Variants in ABR observed in about 807,000 individuals in gnomAD.
The protein encoded by ABR is ABR activator of RhoGEF and GTPase.
In ABR, 35 loss-of-function variants were observed where a neutral mutation model predicts 107.2. The observed-to-expected ratio is 0.33, with a 90% CI of 0.25 to 0.43. The LOEUF (loss-of-function observed/expected upper bound fraction) is 0.43. ABR is among the 20% of genes least tolerant of loss of function. The pLI, the probability that ABR is intolerant of heterozygous loss-of-function variation, is 1.00. For missense variants in ABR, 815 were observed against 1,115.2 expected (o/e 0.73, Z 3.83); for synonymous variants, 498 against 462.0 (o/e 1.08, Z -1.00).
At chr17:1,144,361 G>A (rs1404003312) in intron 1 of ABR, among the ~76,000 whole-genome samples, 3 of 151,342 alleles carry the variant, frequency 2.0e-5, no homozygotes, top group Non-Finnish European at 2.9e-5. Context: ...GCTCCGTTAC[G>A]AGTCGCCCAT....
At chr17:1,136,036 A>T (rs1173993164) in intron 1 of ABR, among the ~76,000 whole-genome samples, 1 of 152,002 alleles carries the variant, frequency 6.6e-6, no homozygotes, top group African/African-American at 2.4e-5. Flanking sequence ...CAGAATGGTC[A>T]GTGAGCACTG....
intron 1 of ABR, among the ~76,000 whole-genome samples, chr17:1,178,431 G>T (rs2041987921): frequency 6.6e-6 from 1 of 152,110 alleles, no homozygotes; most frequent in Admixed American, 6.5e-5. Context: ...GAGAGTGGTG[G>T]TGGGTACCTG....
intron 1 of ABR, among the ~76,000 whole-genome samples, chr17:1,195,157 A>C (rs886735078): frequency 6.8e-5 from 10 of 147,712 alleles, no homozygotes; most frequent in Non-Finnish European, 9.0e-5. Context: ...AATACAAAAA[A>C]TTAGCCGGGC....
intron 16 of ABR, among the ~76,000 whole-genome samples, chr17:1,032,661 C>CAGAGGACGCCA (rs1407110844): frequency 8.0e-4 from 119 of 148,860 alleles, no homozygotes; most frequent in Non-Finnish European, 1.3e-3. Flanking sequence ...GTGCTGGGCG[C>CAGAGGACGCCA]CTTGAGAGAG....
chr17:1,004,696 G>A lies in ABR; in HGVS notation c.*1384C>T, dbSNP rs891114596. The A allele has an allele frequency of 1.3e-5, 3 of 230,568 alleles. No individual in the cohort carries two copies. Among genetic ancestry groups the A allele is most frequent in the African/African-American group, 4.5e-5 (2 of 44,624 alleles). The allele number at this position is 230,568 out of a possible 1,614,324, so 14.3% of individuals were successfully genotyped here. ...CCCTGCTCCCTGGCGGGTGCCTACAGCACCAACAAGGAGGCCCCAGCAGAA... is the reference window on the plus strand; with the variant it reads ...CCCTGCTCCCTGGCGGGTGCCTACAACACCAACAAGGAGGCCCCAGCAGAA... On this transcript the variant is annotated 3_prime_UTR_variant, in exon 23 of 23. Coordinates refer to ENST00000302538, the MANE Select transcript of ABR (RefSeq NM_021962.5).
At chr17:1,167,138 G>T (rs187446349) in intron 1 of ABR, among the ~76,000 whole-genome samples, 3 of 150,900 alleles carry the variant, frequency 2.0e-5, no homozygotes, top group African/African-American at 7.3e-5. Context: ...CTCGGGGTGA[G>T]GCAAAGCCTT....
intron 1 of ABR, among the ~76,000 whole-genome samples, chr17:1,144,189 C>T (rs2040431290): frequency 6.6e-6 from 1 of 152,134 alleles, no homozygotes; most frequent in Non-Finnish European, 1.5e-5. Flanking sequence ...CAGTTATGTG[C>T]CCACCGAACA....
intron 16 of ABR, among the ~76,000 whole-genome samples, chr17:1,020,659 C>A (rs1236345997): frequency 3.3e-5 from 5 of 152,136 alleles, no homozygotes; most frequent in African/African-American, 7.2e-5. Context: ...CCGAAGTGAC[C>A]TCATGTTTGG....
At position 1,154,024 on chromosome 17, in the gene ABR, C is replaced by CG; in HGVS notation, c.61+25642dup. 6.4e-6 allele frequency: 1 copy of CG among 156,008 alleles called. No homozygotes were observed. Among genetic ancestry groups the CG allele is most frequent in the Non-Finnish European group, 1.4e-5 (1 of 70,640 alleles). The allele number at this position is 156,008 out of a possible 1,614,324, so 9.7% of individuals were successfully genotyped here. A position where few individuals can be genotyped will look rare whatever the true frequency, so the allele number is the denominator to read the frequency against. ...CAGCTCACATGGCTCTGCTCCCACTCGGGGGCGGGCGCGTGGGAGGACCAA... is the reference window on the plus strand; with the variant it reads ...CAGCTCACATGGCTCTGCTCCCACTCGGGGGGCGGGCGCGTGGGAGGACCAA... On this transcript the variant is annotated intron_variant, in intron 1 of 22. Coordinates refer to ENST00000302538, the MANE Select transcript of ABR (RefSeq NM_021962.5). The surrounding 1 kb of genome is among the most constrained non-coding windows in gnomAD (Gnocchi z 4.0).
intron 16 of ABR, among the ~76,000 whole-genome samples, chr17:1,046,521 G>A (rs1339954710): frequency 1.3e-5 from 2 of 152,168 alleles, no homozygotes; most frequent in Admixed American, 1.3e-4. Context: ...AGCCCACCTC[G>A]GCCTCCTGCT....
Position 1,179,501 on chromosome 17 carries a change from C to A in ABR, c.61+166G>T, listed in dbSNP as rs1413792490. ...ACCCCGATCCCGATTCCCAACCCGA[C>A]CCCGATCCGGACCCCGATCTCGCCC... On this transcript the variant is annotated intron_variant, in intron 1 of 22. Transcript: ENST00000302538. The surrounding 1 kb of genome is among the most constrained non-coding windows in gnomAD (Gnocchi z 4.9). 6.6e-6 allele frequency among the ~76,000 whole-genome samples: 1 copy of A among 151,332 alleles called. No individual in the cohort carries two copies. Among genetic ancestry groups the A allele is most frequent in the Non-Finnish European group, 1.5e-5 (1 of 67,770 alleles).
chr17:1,143,900 G>T (rs1019618412), intron 1 of ABR, among the ~76,000 whole-genome samples: 2 of 152,104 alleles, frequency 1.3e-5, no homozygotes, highest in African/African-American at 4.8e-5. Flanking sequence ...GGGACATGCT[G>T]AGTATTATCT....
chr17:1,009,940 C>G, intron 20 of ABR, 156 bp from the exon 21 acceptor site: 1 of 633,340 alleles, frequency 1.6e-6, no homozygotes, highest in Non-Finnish European at 2.8e-6. Flanking sequence ...TCTGGGTGGG[C>G]TGTCAGCAGC....
Position 1,050,719 on chromosome 17 carries a change from T to A in ABR, c.1562-85A>T. 9.3e-7 allele frequency: 1 copy of A among 1,072,764 alleles called. No homozygotes were observed. The highest frequency in any genetic ancestry group is 1.3e-5 in the South Asian group (1 of 79,082). The allele number at this position is 1,072,764 out of a possible 1,614,324, so 66.5% of individuals were successfully genotyped here. ...GCGGCACTCAGGATGGAGGGGGACA[T>A]CGCATCTGTCCTTTCCAACGTCCCC... On this transcript the variant is annotated intron_variant, in intron 14 of 22. Transcript: ENST00000302538. The surrounding 1 kb of genome is among the most constrained non-coding windows in gnomAD (Gnocchi z 4.6).
intron 4 of ABR, among the ~76,000 whole-genome samples, chr17:1,087,880 C>T (rs1245882398): frequency 6.6e-6 from 1 of 152,200 alleles, no homozygotes. Flanking sequence ...CTGCCACAGT[C>T]ACCCCAGGCG....
intron 2 of ABR, among the ~76,000 whole-genome samples, chr17:1,104,469 T>C (rs1273055325): frequency 6.6e-6 from 1 of 152,104 alleles, no homozygotes; most frequent in African/African-American, 2.4e-5. Flanking sequence ...GACTCAAGGC[T>C]ATAGGGCATG....
At chr17:1,036,891 T>C (rs867327768) in intron 16 of ABR, among the ~76,000 whole-genome samples, 22 of 152,244 alleles carry the variant, frequency 1.4e-4, no homozygotes, top group Non-Finnish European at 1.0e-4. Context: ...CTCTGGGTAT[T>C]TGCAATGTTC....
chr17:1,015,517 T>C (rs1426932671), intron 16 of ABR, among the ~76,000 whole-genome samples: 2 of 151,336 alleles, frequency 1.3e-5, no homozygotes, highest in Non-Finnish European at 2.9e-5. Flanking sequence ...AGTGCAATGG[T>C]GCGATCTTGG....
chr17:1,187,886 G>C (rs1299014741), upstream of ABR, among the ~76,000 whole-genome samples: 3 of 151,150 alleles, frequency 2.0e-5, no homozygotes, highest in African/African-American at 2.4e-5. Flanking sequence ...ACAGAGTGAG[G>C]CTCCCTCTCA....
Sources: allele counts gnomAD v4.1 joint callset (sites outside exome capture counted in the v4.1 genomes callset), GRCh38; gene constraint gnomAD v4.1.1; non-coding constraint Gnocchi (gnomAD v3.1); transcripts MANE v1.5; gene names NCBI Gene and HGNC (gene_info 2026-07-23, HGNC 2026-07-21).